ANO7: variants seen among roughly 807,000 people sequenced by gnomAD.
ANO7 encodes the protein anoctamin 7.
ANO7 carries 114 observed loss-of-function variants against 115.8 expected under a neutral mutation model. That is an observed-to-expected ratio of 0.98 (90% CI 0.85 to 1.15). The LOEUF is 1.15. ANO7 is among the 50% of genes most tolerant of loss of function. The probability of loss-of-function intolerance (pLI) is 0.00; values close to 1 mark genes in which losing one functional copy is unlikely to be tolerated. For missense variants in ANO7, 1,302 were observed against 1,201.2 expected (o/e 1.08, Z -1.24); for synonymous variants, 550 against 498.2 (o/e 1.10, Z -1.38).
chr2:241,218,342 C>A lies in ANO7; in HGVS notation c.2282C>A (p.Ala761Asp). ...RGFLNFTLAR[A>D]PSSFAAAHNR... Reference sequence around the variant, plus strand: ...TTCCTCAACTTCACGCTGGCGCGAGCCCCGTCCTCCTTCGCCGCCGCGCAC... The same window carrying A: ...TTCCTCAACTTCACGCTGGCGCGAGACCCGTCCTCCTTCGCCGCCGCGCAC... Residue 761 changes from alanine to aspartate, a missense_variant, in exon 21 of 25, where the codon GCC becomes GAC. Physicochemically the swap from Ala to Asp is moderately radical, Grantham distance 126 (BLOSUM62 -2). Coordinates refer to ENST00000674324, the MANE Select transcript of ANO7 (RefSeq NM_001370694.2). The A allele has an allele frequency of 2.0e-6, 3 of 1,490,526 alleles. No individual in the cohort carries two copies. The highest frequency in any genetic ancestry group is 1.3e-5 in the South Asian group (1 of 79,988). 92.3% of individuals were successfully genotyped at this position (1,490,526 alleles called of 1,614,324 possible).
intron 15 of ANO7, among the ~76,000 whole-genome samples, 192 bp from the exon 16 acceptor site, chr2:241,211,902 T>G (rs1206332945): frequency 1.3e-5 from 2 of 152,226 alleles, no homozygotes; most frequent in Non-Finnish European, 1.5e-5. Context: ...ATTATCAATT[T>G]TCCCAACTCC....
At chr2:241,219,096 A>T (rs2068946849) in intron 21 of ANO7, among the ~76,000 whole-genome samples, 1 of 152,212 alleles carries the variant, frequency 6.6e-6, no homozygotes, top group Non-Finnish European at 1.5e-5. Context: ...GAAGGACAAC[A>T]GGAGAAGTGG....
At chr2:241,233,832 G>C in the ANO7 span, 1 of 1,614,048 alleles carries the variant, frequency 6.2e-7, no homozygotes, top group Non-Finnish European at 8.5e-7. This position sits in a 1 kb window ranked among gnomAD's most constrained non-coding sequence, Gnocchi z 4.3. Context: ...GGTTCCCATC[G>C]TCCTTATCAG....
intron 2 of ANO7, among the ~76,000 whole-genome samples, chr2:241,190,993 T>A (rs559003065): frequency 6.6e-6 from 1 of 152,306 alleles, no homozygotes; most frequent in Non-Finnish European, 1.5e-5. Context: ...CGCCTGCGCA[T>A]CCTGTGCCCC....
intron 19 of ANO7, 127 bp from the exon 20 acceptor site, chr2:241,217,559 T>TGG (rs1220074331): frequency 9.3e-7 from 1 of 1,080,414 alleles, no homozygotes; most frequent in Non-Finnish European, 1.3e-6. Context: ...GACCAGGAGG[T>TGG]GGGGGCGGAA....
chr2:241,194,083 C>T (rs2068263932), intron 3 of ANO7, among the ~76,000 whole-genome samples: 1 of 151,952 alleles, frequency 6.6e-6, no homozygotes, highest in Non-Finnish European at 1.5e-5. Flanking sequence ...CCATGTTGGC[C>T]AGGCTGGTCT....
intron 3 of ANO7, among the ~76,000 whole-genome samples, chr2:241,193,639 C>A (rs912234935): frequency 3.9e-5 from 6 of 152,098 alleles, no homozygotes; most frequent in African/African-American, 1.4e-4. Flanking sequence ...AAAATCATGC[C>A]TTTTATCAAT....
the ANO7 span, chr2:241,238,600 T>C: frequency 3.5e-6 from 5 of 1,420,948 alleles, no homozygotes; most frequent in East Asian, 7.4e-5. This position sits in a 1 kb window ranked among gnomAD's most constrained non-coding sequence, Gnocchi z 4.9. Context: ...GCCTCTCACA[T>C]GGGAGGCGCC....
the ANO7 span, chr2:241,236,289 G>A: frequency 1.1e-5 from 4 of 348,984 alleles, no homozygotes; most frequent in Non-Finnish European, 1.6e-5. Flanking sequence ...GGGGGGAGAC[G>A]TTGCAACTGG....
chr2:241,199,359 T>C lies in ANO7; in HGVS notation c.353T>C (p.Leu118Pro). 6.2e-7 allele frequency: 1 copy of C among 1,613,786 alleles called. No homozygotes were observed. Among genetic ancestry groups the C allele is most frequent in the Non-Finnish European group, 8.5e-7 (1 of 1,180,014 alleles). Reference sequence around the variant, plus strand: ...AACACCACAGTGCACTACGCCCTCCTCAGCGCCTCCTGGGCTGTGCTCTGC... The same window carrying C: ...AACACCACAGTGCACTACGCCCTCCCCAGCGCCTCCTGGGCTGTGCTCTGC... ...DGNTTVHYAL[L>P]SASWAVLCYY... The change falls in exon 5 of 25, where the codon CTC (leucine) becomes CCC (proline). Residue 118 changes from leucine (L) to proline (P), a missense_variant. Transcript: ENST00000674324.
chr2:241,229,748 G>A (rs574335129), downstream of ANO7: 16 of 1,608,474 alleles, frequency 9.9e-6, no homozygotes, highest in African/African-American at 9.3e-5. Context: ...AGCAGCTTCC[G>A]ACGCAGTTGC....
At chr2:241,234,470 G>C in the ANO7 span, among the ~76,000 whole-genome samples, 1 of 152,194 alleles carries the variant, frequency 6.6e-6, no homozygotes, top group Non-Finnish European at 1.5e-5. Flanking sequence ...ACCATGTGAG[G>C]TTCACGAGCT....
At chr2:241,239,596 G>A in the ANO7 span, 5 of 1,612,832 alleles carry the variant, frequency 3.1e-6, no homozygotes, top group Non-Finnish European at 2.5e-6. The surrounding 1 kb of genome is among the most constrained non-coding windows in gnomAD (Gnocchi z 4.6). Flanking sequence ...GCACCCAAGT[G>A]CCTACCAGGT....
chr2:241,192,602 CTG>C (rs963083952), intron 3 of ANO7, among the ~76,000 whole-genome samples: 2 of 152,148 alleles, frequency 1.3e-5, no homozygotes, highest in African/African-American at 4.8e-5. Flanking sequence ...ATTCTGAGGA[CTG>C]TGGGGTGGGG....
At chr2:241,196,979 C>T (rs2068351872) in intron 4 of ANO7, among the ~76,000 whole-genome samples, 1 of 152,222 alleles carries the variant, frequency 6.6e-6, no homozygotes, top group Admixed American at 6.5e-5. Context: ...GCCCCATTTC[C>T]ACCATCGGCA....
chr2:241,236,249 G>T, the ANO7 span: 1 of 285,956 alleles, frequency 3.5e-6, no homozygotes, highest in Non-Finnish European at 6.6e-6. Flanking sequence ...TGCACACAAG[G>T]TGAGCTAGGC....
the ANO7 span, chr2:241,236,144 T>G: frequency 5.0e-6 from 1 of 198,900 alleles, no homozygotes; most frequent in South Asian, 1.1e-4. Context: ...GTTGACTGCT[T>G]GTCTCTCCAC....
intron 3 of ANO7, among the ~76,000 whole-genome samples, chr2:241,192,866 T>G (rs1295837355): frequency 6.6e-6 from 1 of 150,436 alleles, no homozygotes; most frequent in African/African-American, 2.5e-5. Flanking sequence ...CCCCAGAGAG[T>G]CAAATTCATA....
chr2:241,230,983 A>C, the ANO7 span: 2 of 1,569,490 alleles, frequency 1.3e-6, no homozygotes, highest in Admixed American at 1.7e-5. The surrounding 1 kb of genome is among the most constrained non-coding windows in gnomAD (Gnocchi z 5.0). Context: ...GGGATGCCTT[A>C]CTGGGATTCC....
Sources: gnomAD v4.1 joint callset for allele counts (sites outside exome capture counted in the v4.1 genomes callset) on GRCh38, gnomAD v4.1.1 for gene constraint, Gnocchi (gnomAD v3.1) non-coding constraint, MANE v1.5 for transcripts, NCBI Gene and HGNC (gene_info 2026-07-23, HGNC 2026-07-21) for gene names.